GNAL: variants seen among roughly 807,000 people sequenced by gnomAD.
GNAL encodes the protein G protein subunit alpha L, also known as guanine nucleotide-binding protein G(olf) subunit alpha.
GNAL carries 18 observed loss-of-function variants against 55.1 expected under a neutral mutation model. That is an observed-to-expected ratio of 0.33 (90% confidence interval 0.23 to 0.48). The LOEUF (loss-of-function observed/expected upper bound fraction) is 0.48. GNAL is among the 20% of genes least tolerant of loss of function. The pLI, the probability that GNAL is intolerant of heterozygous loss-of-function variation, is 0.99. For synonymous variants in GNAL, 253 were observed against 237.0 expected, an observed-to-expected ratio of 1.07 and a Z score of -0.62; for missense variants, 412 against 614.1, an observed-to-expected ratio of 0.67 and a Z score of 3.48.
At chr18:11,866,341 A>C (rs1280018984) in intron 7 of GNAL, among the ~76,000 whole-genome samples, 1 of 150,398 alleles carries the variant, frequency 6.6e-6, no homozygotes, top group East Asian at 1.9e-4. Flanking sequence ...AGGACAAAAA[A>C]ATCTAGCCCG....
At chr18:11,852,184 T>C in intron 5 of GNAL, 1 of 1,455,612 alleles carries the variant, frequency 6.9e-7, no homozygotes, top group Non-Finnish European at 9.1e-7. Context: ...AGAGAGATAC[T>C]ATACCCTAGA....
At chr18:11,810,704 C>T (rs896639158) in intron 4 of GNAL, 3 of 152,274 alleles carry the variant, frequency 2.0e-5, no homozygotes, top group Non-Finnish European at 2.9e-5. Context: ...CTGCATCTCA[C>T]GTTGTTTATG....
At chr18:11,744,195 T>C (rs1363573203) in intron 1 of GNAL, among the ~76,000 whole-genome samples, 2 of 152,222 alleles carry the variant, frequency 1.3e-5, no homozygotes, top group African/African-American at 4.8e-5. Context: ...AGTGTTATTT[T>C]GGTTTTTAAA....
In GNAL at chr18:11,689,526, C is replaced by T; in HGVS notation, c.-38C>T. ...AGGCCGCCCTCGGCGCCCAGCCTGCCCTAGTCCCGCGCGCCGCCCCCGCTG... is the reference window on the plus strand; with the variant it reads ...AGGCCGCCCTCGGCGCCCAGCCTGCTCTAGTCCCGCGCGCCGCCCCCGCTG... On this transcript the variant is annotated 5_prime_UTR_variant, in exon 1 of 12. Transcript: ENST00000334049. 1.9e-6 allele frequency: 2 copies of T among 1,075,228 alleles called. No individual in the cohort carries two copies. The highest frequency in any genetic ancestry group is 2.4e-6 in the Non-Finnish European group (2 of 842,204). 66.6% of individuals were successfully genotyped at this position (1,075,228 alleles called of 1,614,324 possible).
At chr18:11,805,142 TA>T (rs1160704331) in intron 4 of GNAL, among the ~76,000 whole-genome samples, 19 of 106,386 alleles carry the variant, frequency 1.8e-4, no homozygotes, top group African/African-American at 6.7e-4. Flanking sequence ...AGTGGTGAAG[TA>T]CAGGTGCAAT....
intron 5 of GNAL, among the ~76,000 whole-genome samples, chr18:11,860,147 T>C (rs1176759211): frequency 6.6e-6 from 1 of 152,218 alleles, no homozygotes; most frequent in Non-Finnish European, 1.5e-5. Flanking sequence ...TTCATGACAG[T>C]TGAGGTCACA....
intron 5 of GNAL, among the ~76,000 whole-genome samples, chr18:11,859,258 G>A (rs1209041648): frequency 6.6e-6 from 1 of 152,156 alleles, no homozygotes; most frequent in Non-Finnish European, 1.5e-5. Flanking sequence ...GCCTGTGAGG[G>A]AAGCAGCCTT....
intron 1 of GNAL, among the ~76,000 whole-genome samples, chr18:11,735,241 G>T (rs1465068481): frequency 6.6e-6 from 1 of 151,722 alleles, no homozygotes; most frequent in South Asian, 2.1e-4. Context: ...GGTAGAGACG[G>T]GGTTTCACCA....
chr18:11,851,963 T>C, intron 5 of GNAL: 2 of 1,613,962 alleles, frequency 1.2e-6, no homozygotes, highest in Non-Finnish European at 8.5e-7. Flanking sequence ...CAAGTGGATA[T>C]GCTGCTCCAG....
intron 1 of GNAL, among the ~76,000 whole-genome samples, chr18:11,711,127 A>G (rs2031829540): frequency 1.3e-5 from 2 of 152,052 alleles, no homozygotes; most frequent in Non-Finnish European, 2.9e-5. Flanking sequence ...CACCCACCTC[A>G]GCCTCCCAAA....
Position 11,872,405 on chromosome 18 carries a change from T to C in GNAL, c.1162+7T>C, listed in dbSNP as rs1470466517. The C allele has an allele frequency of 2.6e-6, 4 of 1,526,648 alleles. No homozygotes were observed. Among genetic ancestry groups the C allele is most frequent in the Non-Finnish European group, 3.6e-6 (4 of 1,126,018 alleles). The allele number at this position is 1,526,648 out of a possible 1,614,324, so 94.6% of individuals were successfully genotyped here. A position where few individuals can be genotyped will look rare whatever the true frequency, so the allele number is the denominator to read the frequency against. The stretch of plus-strand genomic sequence containing the variant: ...TATACTGTTCCTGAAGACGGTAAGA[T>C]TTCAAAACACATTCTTATGATTGAG... On this transcript the variant is annotated splice_region_variant and intron_variant, in intron 10 of 11. Coordinates refer to ENST00000334049, the MANE Select transcript of GNAL (RefSeq NM_182978.4).
chr18:11,869,956 G>A (rs1192432792), intron 9 of GNAL, among the ~76,000 whole-genome samples: 30 of 151,978 alleles, frequency 2.0e-4, no homozygotes, highest in Admixed American at 2.0e-3. Context: ...TAAAAAAATT[G>A]ACTAAAAATA....
At chr18:11,781,132 T>C (rs1369508639) in intron 4 of GNAL, among the ~76,000 whole-genome samples, 1 of 152,216 alleles carries the variant, frequency 6.6e-6, no homozygotes, top group Non-Finnish European at 1.5e-5. Flanking sequence ...AATTAAGACT[T>C]TAAATATAGG....
In GNAL at chr18:11,689,840, G is replaced by T. The variant is rs765936963; in HGVS notation, c.277G>T (p.Glu93Ter). 1.3e-6 allele frequency: 2 copies of T among 1,537,872 alleles called. No homozygotes were observed. Among genetic ancestry groups the T allele is most frequent in the Non-Finnish European group, 8.7e-7 (1 of 1,145,466 alleles). Residue 93 changes from glutamate (E) to a stop codon, truncating the protein, a stop_gained, in exon 1 of 12, where the codon GAG (glutamate) becomes TAG (stop). Coordinates refer to ENST00000334049, the MANE Select transcript of GNAL (RefSeq NM_182978.4). LOFTEE classifies it high-confidence loss of function. ...AEEREAAKER[E>*]AVKEARKVSR... ...GGAGCGCGAGGCGGCCAAGGAGCGC[G>T]AGGCGGTCAAGGAGGCGAGGAAAGT...
rs569502716 is a variant in GNAL at position 11,851,426 on chromosome 18, C to T, written c.723-10969C>T. The T allele has an allele frequency of 6.4e-6, 9 of 1,415,504 alleles. No homozygotes were observed. The South Asian group carries it at 9.1e-5, about 14-fold the overall frequency. The allele number at this position is 1,415,504 out of a possible 1,614,324, so 87.7% of individuals were successfully genotyped here. A position where few individuals can be genotyped will look rare whatever the true frequency, so the allele number is the denominator to read the frequency against. On this transcript the variant is annotated intron_variant, in intron 5 of 11. Transcript: ENST00000334049. Reference sequence around the variant, plus strand: ...AGGAAGTGGGACCAAAACAAAGGAGCGGCGGCCGGGAGCGGACTTACCTTA... The same window carrying T: ...AGGAAGTGGGACCAAAACAAAGGAGTGGCGGCCGGGAGCGGACTTACCTTA...
intron 4 of GNAL, among the ~76,000 whole-genome samples, chr18:11,806,599 T>C (rs2143541117): frequency 6.6e-6 from 1 of 152,328 alleles, no homozygotes; most frequent in East Asian, 1.9e-4. Flanking sequence ...AGAAACTGTG[T>C]GCCCAGCATT....
Position 11,883,701 on chromosome 18 carries a change from T to TA in GNAL, c.*2569dup, listed in dbSNP as rs1555618744. 2.2e-4 allele frequency: 33 copies of TA among 152,360 alleles called. No individual in the cohort carries two copies. Among genetic ancestry groups the TA allele is most frequent in the Non-Finnish European group, 2.1e-4 (14 of 68,002 alleles). 9.4% of individuals were successfully genotyped at this position (152,360 alleles called of 1,614,324 possible). ...CATCACATCTGTACTTTTTTTTTTT[T>TA]AAATATATTTTTTGAGACGGAGTCT... is the stretch of plus-strand genomic sequence containing the variant. On this transcript the variant is annotated 3_prime_UTR_variant, in exon 12 of 12. Transcript: ENST00000334049.
intron 1 of GNAL, among the ~76,000 whole-genome samples, chr18:11,707,507 GCT>G (rs1161916469): frequency 4.6e-5 from 7 of 152,124 alleles, no homozygotes; most frequent in East Asian, 1.9e-4. Context: ...TGTCATCCAG[GCT>G]CTGTTTTTCC....
In GNAL at chr18:11,747,226, G is replaced by A. The variant is rs182425729; in HGVS notation, c.377-5627G>A. Reference sequence around the variant, plus strand: ...CCAGAAATGAGAACTCCAAAGATGAGGTGGAGAAACAGCTCCTGAAAGAGA... The same window carrying A: ...CCAGAAATGAGAACTCCAAAGATGAAGTGGAGAAACAGCTCCTGAAAGAGA... On this transcript the variant is annotated intron_variant, in intron 1 of 11. Coordinates refer to ENST00000334049, the MANE Select transcript of GNAL (RefSeq NM_182978.4). 5 of 362,746 alleles carry A rather than the reference G, an allele frequency of 1.4e-5. No homozygotes were observed. The East Asian group carries it at 2.0e-4, about 14-fold the overall frequency. 22.5% of individuals were successfully genotyped at this position (362,746 alleles called of 1,614,324 possible). A position where few individuals can be genotyped will look rare whatever the true frequency, so the allele number is the denominator to read the frequency against.
Sources: gnomAD v4.1 joint callset for allele counts (sites outside exome capture counted in the v4.1 genomes callset) on GRCh38, gnomAD v4.1.1 for gene constraint, MANE v1.5 for transcripts, NCBI Gene and HGNC (gene_info 2026-07-23, HGNC 2026-07-21) for gene names.